The following RNF220 variants were observed in gnomAD, a reference collection of about 807,000 sequenced individuals.
RNF220 encodes the protein ring finger protein 220.
A neutral mutation model predicts 67.1 loss-of-function variants in RNF220; 7 were observed. That is an observed-to-expected ratio of 0.10 (90% confidence interval 0.06 to 0.20). RNF220 has a LOEUF of 0.20. Among genes scored for constraint, RNF220 ranks in the 10% least tolerant of loss-of-function variants. The pLI, the probability that RNF220 is intolerant of heterozygous loss-of-function variation, is 1.00. For missense variants in RNF220, 565 were observed against 740.3 expected (o/e 0.76, Z 2.75); for synonymous variants, 270 against 283.2 (o/e 0.95, Z 0.47).
At chr1:44,636,600 C>A in intron 8 of RNF220, 1 of 613,154 alleles carries the variant, frequency 1.6e-6, no homozygotes, top group Non-Finnish European at 3.0e-6. Flanking sequence ...GATTTTCCTC[C>A]TCCTCCTCTT....
At chr1:44,637,892 C>T (rs780083285) in intron 8 of RNF220, among the ~76,000 whole-genome samples, 8 of 152,226 alleles carry the variant, frequency 5.3e-5, no homozygotes, top group Non-Finnish European at 8.8e-5. Context: ...AGAATTGCTC[C>T]AGCTTTCCTG....
At chr1:44,633,867 T>C (rs1644245538) in intron 6 of RNF220, among the ~76,000 whole-genome samples, 2 of 152,256 alleles carry the variant, frequency 1.3e-5, no homozygotes, top group African/African-American at 4.8e-5. Flanking sequence ...GCCCTGGCTC[T>C]AGAGTGTCAA....
chr1:44,611,887 C>T (rs1341295272), intron 2 of RNF220, among the ~76,000 whole-genome samples: 1 of 152,244 alleles, frequency 6.6e-6, no homozygotes, highest in East Asian at 1.9e-4. Flanking sequence ...GTACAGAGGT[C>T]TGTGTCCCAT....
intron 9 of RNF220, 83 bp from the exon 10 acceptor site, chr1:44,644,912 C>A: frequency 6.5e-7 from 1 of 1,546,412 alleles, no homozygotes; most frequent in South Asian, 1.1e-5. Flanking sequence ...TCAGCTTTGG[C>A]CAGGAGGGCC....
chr1:44,520,132 A>T (rs868606018), intron 2 of RNF220, among the ~76,000 whole-genome samples: 261 of 90,694 alleles, frequency 2.9e-3, no homozygotes, highest in Middle Eastern at 5.6e-3. Flanking sequence ...TGTGTGTGAG[A>T]GAGAGAGAGA....
intron 2 of RNF220, among the ~76,000 whole-genome samples, chr1:44,543,542 T>TGA (rs140500286): frequency 4.7e-5 from 7 of 149,304 alleles, no homozygotes; most frequent in East Asian, 2.0e-4. Context: ...GCAGGGAGAA[T>TGA]GAGAGAGAGA....
chr1:44,623,315 A>G (rs928071316), intron 4 of RNF220, among the ~76,000 whole-genome samples: 3 of 152,182 alleles, frequency 2.0e-5, no homozygotes, highest in Admixed American at 2.0e-4. Flanking sequence ...GCCTCTCTGA[A>G]CAAACCCTGT....
At chr1:44,467,809 G>A (rs886795614) in intron 2 of RNF220, among the ~76,000 whole-genome samples, 4 of 152,192 alleles carry the variant, frequency 2.6e-5, no homozygotes, top group Admixed American at 2.6e-4. Flanking sequence ...CTTTTGACAT[G>A]CCGTCTTTAC....
intron 2 of RNF220, among the ~76,000 whole-genome samples, chr1:44,557,220 G>A (rs1663180981): frequency 6.9e-6 from 1 of 145,156 alleles, no homozygotes; most frequent in Non-Finnish European, 1.5e-5. Flanking sequence ...TAAGCTTCTT[G>A]ATAGAAACTG....
chr1:44,614,309 C>T lies in RNF220; in HGVS notation c.758+12C>T. On this transcript the variant is annotated intron_variant, in intron 3 of 14. Transcript: ENST00000361799. ...CAACTGCCCTCGAGGTAAGCCACCT[C>T]CCAGGGAGCCTGCCTGCTGGAGGAG... is the stretch of plus-strand genomic sequence containing the variant. The T allele has an allele frequency of 6.2e-7, 1 of 1,612,792 alleles. No homozygotes were observed. Among genetic ancestry groups the T allele is most frequent in the East Asian group, 2.2e-5 (1 of 44,846 alleles).
chr1:44,452,690 C>T (rs902645006), intron 2 of RNF220, among the ~76,000 whole-genome samples: 9 of 152,070 alleles, frequency 5.9e-5, no homozygotes, highest in African/African-American at 1.4e-4. Flanking sequence ...AGGCTGGTCT[C>T]GAACTCCTGA....
At chr1:44,465,939 T>C (rs902291019) in intron 2 of RNF220, among the ~76,000 whole-genome samples, 1 of 152,036 alleles carries the variant, frequency 6.6e-6, no homozygotes, top group African/African-American at 2.4e-5. Flanking sequence ...TTGCTTAAGG[T>C]TGGCGTAGCT....
chr1:44,505,381 G>T lies in RNF220; in HGVS notation c.625+92659G>T, dbSNP rs183196646. 4.1e-3 allele frequency among the ~76,000 whole-genome samples: 626 copies of T among 152,302 alleles called. 3 individuals are homozygous for T. The highest frequency in any genetic ancestry group is 5.5e-3 in the Non-Finnish European group (376 of 68,026). On this transcript the variant is annotated intron_variant, in intron 2 of 14. Coordinates refer to ENST00000361799, the MANE Select transcript of RNF220 (RefSeq NM_018150.4). ...TTCCCTGATTTCTCCTGGCCAGCTGGCCTCTCCGCCTCCTTGGCTCTACGT... is the reference window on the plus strand; with the variant it reads ...TTCCCTGATTTCTCCTGGCCAGCTGTCCTCTCCGCCTCCTTGGCTCTACGT...
At chr1:44,511,140 C>G (rs1451465199) in intron 2 of RNF220, among the ~76,000 whole-genome samples, 1 of 152,048 alleles carries the variant, frequency 6.6e-6, no homozygotes, top group Non-Finnish European at 1.5e-5. Context: ...GAAGAGAAGG[C>G]TAGAGGGAGA....
chr1:44,469,583 T>C (rs149257612), intron 2 of RNF220, among the ~76,000 whole-genome samples: 6 of 152,354 alleles, frequency 3.9e-5, no homozygotes, highest in African/African-American at 1.4e-4. Context: ...ATTCATTCAC[T>C]AAATATTTAC....
At chr1:44,636,438 C>T (rs1169191782) in intron 8 of RNF220, 1 of 717,976 alleles carries the variant, frequency 1.4e-6, no homozygotes, top group Admixed American at 2.0e-5. Context: ...TTGAAGGTGA[C>T]AGCCAAGCCG....
chr1:44,649,603 C>G lies in RNF220; in HGVS notation c.1446-58C>G. 6.7e-7 allele frequency: 1 copy of G among 1,498,206 alleles called. No individual in the cohort carries two copies. Among genetic ancestry groups the G allele is most frequent in the Non-Finnish European group, 9.3e-7 (1 of 1,075,420 alleles). 92.8% of individuals were successfully genotyped at this position (1,498,206 alleles called of 1,614,324 possible). ...TTCTGGAATTCAAGGGAGGCGTAGGCTGGAGGTACAGATGAGAGATGCCAG... is the reference window on the plus strand; with the variant it reads ...TTCTGGAATTCAAGGGAGGCGTAGGGTGGAGGTACAGATGAGAGATGCCAG... On this transcript the variant is annotated intron_variant, in intron 12 of 14. Transcript: ENST00000361799. The surrounding 1 kb of genome is among the most constrained non-coding windows in gnomAD (Gnocchi z 5.9).
At chr1:44,512,499 G>A (rs80190013) in intron 2 of RNF220, among the ~76,000 whole-genome samples, 25,842 of 152,116 alleles carry the variant, frequency 0.17, 2,738 homozygotes, top group Non-Finnish European at 0.24. Flanking sequence ...GAATGGGGAC[G>A]GCCCCTAAGG....
chr1:44,589,381 G>A (rs949506399), intron 2 of RNF220, among the ~76,000 whole-genome samples: 7 of 152,154 alleles, frequency 4.6e-5, no homozygotes, highest in Admixed American at 3.3e-4. Context: ...TTGGGAGGCC[G>A]AGGTGGGCGG....
Sources: gnomAD v4.1 joint callset for allele counts (sites outside exome capture counted in the v4.1 genomes callset) on GRCh38, gnomAD v4.1.1 for gene constraint, Gnocchi (gnomAD v3.1) non-coding constraint, MANE v1.5 for transcripts, NCBI Gene and HGNC (gene_info 2026-07-23, HGNC 2026-07-21) for gene names.